Variants in AXL observed in about 807,000 individuals in gnomAD.
AXL encodes the protein tyrosine-protein kinase receptor UFO.
In AXL, 52 loss-of-function variants were observed where a neutral mutation model predicts 104.5. The ratio of observed to expected loss-of-function variants is 0.50; its 90% CI spans 0.40 to 0.63. The LOEUF (loss-of-function observed/expected upper bound fraction) is 0.63, where lower values mean the gene tolerates loss of function less well. Among genes scored for constraint, AXL ranks in the 20% least tolerant of loss-of-function variants. The pLI is 0.00. For missense variants in AXL, 1,024 were observed against 1,188.5 expected, an observed-to-expected ratio of 0.86 and a Z score of 2.04; for synonymous variants, 455 against 473.7, an observed-to-expected ratio of 0.96 and a Z score of 0.51.
chr19:41,255,325 CT>C (rs2034435222), intron 17 of AXL, among the ~76,000 whole-genome samples: 1 of 150,454 alleles, frequency 6.6e-6, no homozygotes, highest in South Asian at 2.1e-4. Flanking sequence ...TCTTTCTTTT[CT>C]TTCTTTTTCT....
chr19:41,246,861 AT>A (rs1183421066), intron 12 of AXL, among the ~76,000 whole-genome samples: 1 of 152,128 alleles, frequency 6.6e-6, no homozygotes, highest in Non-Finnish European at 1.5e-5. Context: ...AGCTAGTTTT[AT>A]TTTTGAATAC....
chr19:41,238,085 G>C lies in AXL; in HGVS notation c.925G>C (p.Val309Leu). The C allele has an allele frequency of 6.2e-7, 1 of 1,613,724 alleles. No individual in the cohort carries two copies. The highest frequency in any genetic ancestry group is 8.5e-7 in the Non-Finnish European group (1 of 1,179,952). ...TCCTCACACCCCTTATCACATCCGC[G>C]TGGCATGCACCAGCAGCCAGGGCCC... ...LHPHTPYHIR[V>L]ACTSSQGPSS... The change falls in exon 7 of 20, where the codon GTG (valine) becomes CTG (leucine). Residue 309 changes from valine (V) to leucine (L), a missense_variant. This residue lies in a region of AXL where 332 missense variants were observed against 343.9 expected (regional missense o/e 0.97). Coordinates refer to ENST00000301178, the MANE Select transcript of AXL (RefSeq NM_021913.5).
At chr19:41,229,193 C>T (rs902509848) in intron 4 of AXL, among the ~76,000 whole-genome samples, 6 of 152,072 alleles carry the variant, frequency 3.9e-5, no homozygotes, top group African/African-American at 1.2e-4. Context: ...TCAGGTGATC[C>T]ACCCACCTCG....
intron 6 of AXL, among the ~76,000 whole-genome samples, chr19:41,234,045 G>C (rs2122226032): frequency 6.6e-6 from 1 of 152,058 alleles, no homozygotes; most frequent in East Asian, 1.9e-4. Context: ...TCCTCTTCCT[G>C]TCTGTCACTG....
intron 8 of AXL, 134 bp from the exon 9 acceptor site, chr19:41,239,030 G>C (rs940892926): frequency 3.0e-6 from 3 of 1,013,988 alleles, no homozygotes; most frequent in African/African-American, 3.2e-5. Context: ...AGATGAAGGG[G>C]AGGACGAGGA....
At chr19:41,238,753 CA>C in intron 8 of AXL, 144 bp downstream of exon 8, 4 of 1,259,928 alleles carry the variant, frequency 3.2e-6, no homozygotes, top group Non-Finnish European at 4.3e-6. Context: ...GGTTCACATT[CA>C]CATTCTGGGG....
At chr19:41,220,601 G>A (rs1407815426) in intron 1 of AXL, 35 bp from the exon 2 acceptor site, 2 of 1,525,442 alleles carry the variant, frequency 1.3e-6, no homozygotes, top group Non-Finnish European at 1.8e-6. Flanking sequence ...GGAGCTGGGG[G>A]GTTCCTAAGC....
At chr19:41,254,376 C>CAAAA (rs34633761) in intron 17 of AXL, among the ~76,000 whole-genome samples, 14 of 81,018 alleles carry the variant, frequency 1.7e-4, no homozygotes, top group East Asian at 3.8e-4. Flanking sequence ...GACTCTGTCT[C>CAAAA]AAAAAAAAAA....
Position 41,222,064 on chromosome 19 carries a change from C to T in AXL, c.586+8C>T, listed in dbSNP as rs369113578. On this transcript the variant is annotated splice_region_variant and intron_variant, in intron 4 of 19. Coordinates refer to ENST00000301178, the MANE Select transcript of AXL (RefSeq NM_021913.5). ...GCAGCCTGCATGTTCCAGGTGAGTC[C>T]GGGGATGTGGGTCAGCTCCGAATAG... 5.8e-6 allele frequency: 9 copies of T among 1,539,690 alleles called. No homozygotes were observed. The highest frequency in any genetic ancestry group is 4.1e-5 in the African/African-American group (3 of 72,356).
At chr19:41,250,961 G>A (rs945268771) in intron 14 of AXL, among the ~76,000 whole-genome samples, 7 of 152,090 alleles carry the variant, frequency 4.6e-5, no homozygotes, top group Non-Finnish European at 1.0e-4. Context: ...CTGTTAAATG[G>A]GATGATACTT....
chr19:41,248,616 C>T lies in AXL; in HGVS notation c.1633+7C>T, dbSNP rs201106062. Reference sequence around the variant, plus strand: ...GGGAAGACTCTGGGAGAGGGTGAGTCCCCCGGCAGCATACACACATCCTTC... The same window carrying T: ...GGGAAGACTCTGGGAGAGGGTGAGTTCCCCGGCAGCATACACACATCCTTC... On this transcript the variant is annotated splice_region_variant and intron_variant, in intron 13 of 19. Transcript: ENST00000301178. The T allele has an allele frequency of 4.3e-6, 7 of 1,613,600 alleles. No homozygotes were observed.
chr19:41,250,880 G>C (rs1208016405), intron 14 of AXL, among the ~76,000 whole-genome samples: 1 of 152,082 alleles, frequency 6.6e-6, no homozygotes, highest in Non-Finnish European at 1.5e-5. Context: ...TATAGTCTTG[G>C]CCTGGGTCTG....
chr19:41,221,989 G>A lies in AXL; in HGVS notation c.519G>A (p.Trp173Ter), dbSNP rs764376816. The A allele has an allele frequency of 6.2e-7, 1 of 1,609,652 alleles. No homozygotes were observed. The highest frequency in any genetic ancestry group is 8.5e-7 in the Non-Finnish European group (1 of 1,178,358). Residue 173 changes from tryptophan to a stop codon, truncating the protein, a stop_gained, in exon 4 of 20, where the codon TGG (tryptophan) becomes TGA (stop). Transcript: ENST00000301178. LOFTEE classifies it high-confidence loss of function. The stretch of plus-strand genomic sequence containing the variant: ...CCCCAGAGCCCGTGGACCTACTCTG[G>A]CTCCAGGATGCTGTCCCCCTGGCCA... ...QGPPEPVDLL[W>*]LQDAVPLATA... is the part of the protein sequence containing the mutation.
chr19:41,220,743 C>G lies in AXL; in HGVS notation c.193C>G (p.Pro65Ala). The change falls in exon 2 of 20, where the codon CCC (proline) becomes GCC (alanine). Residue 65 changes from proline (P) to alanine (A), a missense_variant. This residue lies in a region of AXL where 124 missense variants were observed against 115.5 expected (regional missense o/e 1.07). Coordinates refer to ENST00000301178, the MANE Select transcript of AXL (RefSeq NM_021913.5). ...RCQLQVQGEP[P>A]EVHWLRDGQI... is the part of the protein sequence containing the mutation. ...TCAGCTCCAGGTTCAGGGAGAGCCC[C>G]CCGAGGTACATTGGCTTCGGGATGG... 1 of 1,614,128 alleles carries G rather than the reference C, an allele frequency of 6.2e-7. No homozygotes were observed. The highest frequency in any genetic ancestry group is 1.1e-5 in the South Asian group (1 of 91,082).
chr19:41,227,488 C>CT (rs34569295), intron 4 of AXL, among the ~76,000 whole-genome samples: 14,095 of 135,452 alleles, frequency 0.1, 827 homozygotes, highest in Non-Finnish European at 0.13. Flanking sequence ...ACCCTGGGGC[C>CT]TTTTTTTTTT....
At chr19:41,253,329 G>A (rs1364094421) in intron 16 of AXL, among the ~76,000 whole-genome samples, 2 of 152,106 alleles carry the variant, frequency 1.3e-5, no homozygotes, top group Non-Finnish European at 2.9e-5. Flanking sequence ...GCAAAGGCTC[G>A]GAGGTGGGAA....
chr19:41,220,905 A>T (rs748227184), intron 2 of AXL, 47 bp downstream of exon 2: 12 of 1,594,662 alleles, frequency 7.5e-6, no homozygotes, highest in Non-Finnish European at 6.9e-6. Context: ...CGTCACACAG[A>T]GGGCAGAAAG....
At chr19:41,242,794 T>G (rs2034205811) in intron 10 of AXL, 89 bp from the exon 11 acceptor site, 1 of 1,549,010 alleles carries the variant, frequency 6.5e-7, no homozygotes, top group Non-Finnish European at 8.8e-7. Flanking sequence ...TGCCGAGGCC[T>G]TCTGCCTCCC....
At chr19:41,245,803 G>C (rs1001576634) in intron 12 of AXL, among the ~76,000 whole-genome samples, 5 of 151,822 alleles carry the variant, frequency 3.3e-5, no homozygotes, top group Non-Finnish European at 5.9e-5. Context: ...TCTCTTCCTA[G>C]CATACAGCGA....
Sources: gnomAD v4.1 joint callset for allele counts (sites outside exome capture counted in the v4.1 genomes callset) on GRCh38, gnomAD v4.1.1 for gene constraint, gnomAD v4.1.1 regional missense constraint, MANE v1.5 for transcripts, NCBI Gene and HGNC (gene_info 2026-07-23, HGNC 2026-07-21) for gene names.